The following BMPR1B variants were observed in gnomAD, a reference collection of about 807,000 sequenced individuals.
BMPR1B encodes the protein bone morphogenetic protein receptor type-1B.
A neutral mutation model predicts 59.1 loss-of-function variants in BMPR1B; 12 were observed. That is an observed-to-expected ratio of 0.20 (90% CI 0.13 to 0.33). The LOEUF (loss-of-function observed/expected upper bound fraction) is 0.33. BMPR1B is among the 10% of genes least tolerant of loss of function. The pLI is 1.00. For synonymous variants in BMPR1B, 237 were observed against 207.3 expected, an observed-to-expected ratio of 1.14 and a Z score of -1.23; for missense variants, 550 against 610.9, an observed-to-expected ratio of 0.90 and a Z score of 1.05.
intron 2 of BMPR1B, among the ~76,000 whole-genome samples, chr4:94,960,649 A>G (rs1400136541): frequency 2.0e-5 from 3 of 152,104 alleles, no homozygotes; most frequent in African/African-American, 7.2e-5. Flanking sequence ...CAGAAGGAAA[A>G]CAGTTTATTG....
At chr4:94,995,495 A>T (rs1722001767) in intron 2 of BMPR1B, among the ~76,000 whole-genome samples, 1 of 152,176 alleles carries the variant, frequency 6.6e-6, no homozygotes, top group Non-Finnish European at 1.5e-5. Context: ...ATAATGTGTC[A>T]TAATTAAGTT....
intron 6 of BMPR1B, among the ~76,000 whole-genome samples, chr4:95,118,455 A>T (rs1251109696): frequency 1.3e-5 from 2 of 152,172 alleles, no homozygotes; most frequent in Admixed American, 1.3e-4. Context: ...TTATAAAAAC[A>T]GTCCTGGCAT....
At chr4:94,894,129 C>T (rs1159946117) in intron 2 of BMPR1B, among the ~76,000 whole-genome samples, 1 of 152,038 alleles carries the variant, frequency 6.6e-6, no homozygotes, top group Non-Finnish European at 1.5e-5. Flanking sequence ...AAATGAAATA[C>T]TGTAAAAGCA....
intron 3 of BMPR1B, among the ~76,000 whole-genome samples, chr4:95,014,288 T>C (rs755827731): frequency 3.5e-4 from 54 of 152,298 alleles, no homozygotes; most frequent in Admixed American, 1.5e-3. Context: ...TATCTCAGCA[T>C]CCAAACTCAG....
At chr4:94,888,496 T>G (rs562850318) in intron 2 of BMPR1B, among the ~76,000 whole-genome samples, 1 of 152,084 alleles carries the variant, frequency 6.6e-6, no homozygotes, top group Admixed American at 6.6e-5. Flanking sequence ...ATAATAATGA[T>G]ACAAAGCACT....
At chr4:95,121,721 TAAGGGTG>T (rs140687015) in intron 6 of BMPR1B, among the ~76,000 whole-genome samples, 15,690 of 152,094 alleles carry the variant, frequency 0.1, 1,972 homozygotes, top group African/African-American at 0.3. Context: ...TTTTTTTCTG[TAAGGGTG>T]AAATTATTTC....
At chr4:94,890,192 C>T (rs1358298613) in intron 2 of BMPR1B, among the ~76,000 whole-genome samples, 1 of 152,030 alleles carries the variant, frequency 6.6e-6, no homozygotes, top group Non-Finnish European at 1.5e-5. Flanking sequence ...AAGAAGCCTG[C>T]TAGAGGCTTG....
At chr4:94,816,742 A>G (rs1027914348) in intron 1 of BMPR1B, among the ~76,000 whole-genome samples, 6 of 152,232 alleles carry the variant, frequency 3.9e-5, no homozygotes, top group East Asian at 1.9e-4. Context: ...CTACAGTAAC[A>G]TAACTTAGAA....
At chr4:95,133,263 C>A (rs1000545518) in intron 10 of BMPR1B, among the ~76,000 whole-genome samples, 4 of 152,138 alleles carry the variant, frequency 2.6e-5, no homozygotes, top group African/African-American at 9.7e-5. Context: ...TACATGCTGC[C>A]ACTGAATTTA....
In BMPR1B at chr4:94,841,714, G is replaced by A. The variant is rs950983170; in HGVS notation, c.-182-34117G>A. On this transcript the variant is annotated intron_variant, in intron 1 of 12. Transcript: ENST00000515059. ...TCAGATGGAAATGCAGAAATCACCC[G>A]TCTTCTGCGTTGCTCACGCTGGGAG... Among the ~76,000 whole-genome samples the A allele has an allele frequency of 5.3e-5, 8 of 152,106 alleles. 1 individual carries two copies. In the South Asian group the frequency reaches 6.2e-4, roughly 12 times the overall value.
intron 3 of BMPR1B, among the ~76,000 whole-genome samples, chr4:95,085,669 G>T (rs1475893532): frequency 1.3e-5 from 2 of 152,286 alleles, no homozygotes; most frequent in Admixed American, 1.3e-4. Flanking sequence ...AACTTGATAT[G>T]TGTAAATAGA....
At chr4:95,007,079 C>G (rs1410525014) in intron 3 of BMPR1B, among the ~76,000 whole-genome samples, 1 of 152,046 alleles carries the variant, frequency 6.6e-6, no homozygotes, top group African/African-American at 2.4e-5. Context: ...ATATTATTCT[C>G]ATGTTATTTT....
rs963141082 is a variant in BMPR1B, at chr4:94,996,082, T to C, written c.-70T>C. On this transcript the variant is annotated 5_prime_UTR_variant, in exon 3 of 13. An upstream start codon of the reference 5' UTR is lost. Transcript: ENST00000515059. Reference sequence around the variant, plus strand: ...TTCATAACCATTTGGCTCTGAGCTATGACAAGAGAGGAAACAAAAAGTTAA... The same window carrying C: ...TTCATAACCATTTGGCTCTGAGCTACGACAAGAGAGGAAACAAAAAGTTAA... 1 of 152,174 alleles carries C rather than the reference T, an allele frequency of 6.6e-6. No homozygotes were observed. The highest frequency in any genetic ancestry group is 1.5e-5 in the Non-Finnish European group (1 of 68,046). 9.4% of individuals were successfully genotyped at this position (152,174 alleles called of 1,614,324 possible).
rs748806114 is a variant in BMPR1B, at chr4:95,154,635, C to G, written c.1471C>G (p.Leu491Val). Residue 491 changes from leucine (L) to valine (V), a missense_variant, in exon 13 of 13, where the codon CTT becomes GTT. Leu to Val is a conservative substitution (Grantham distance 32). This residue lies in a region of BMPR1B where 123 missense variants were observed against 164.6 expected (regional missense o/e 0.75). Transcript: ENST00000515059. ...GACAGCCCTGCGGGTTAAGAAAACA[C>G]TTGCCAAAATGTCAGAGTCCCAGGA... is the stretch of plus-strand genomic sequence containing the variant. Reference protein sequence around the residue: ...RLTALRVKKTLAKMSESQDIK... With the variant: ...RLTALRVKKTVAKMSESQDIK... 4 of 1,614,092 alleles carry G rather than the reference C, an allele frequency of 2.5e-6. No homozygotes were observed. The highest frequency in any genetic ancestry group is 3.4e-6 in the Non-Finnish European group (4 of 1,179,986).
intron 1 of BMPR1B, among the ~76,000 whole-genome samples, chr4:94,768,374 AC>A (rs1722046916): frequency 1.3e-5 from 2 of 152,052 alleles, no homozygotes; most frequent in African/African-American, 4.8e-5. Context: ...AACAACAACA[AC>A]AACAAAAAAC....
At chr4:94,987,256 ATATATAT>A (rs1005855589) in intron 2 of BMPR1B, among the ~76,000 whole-genome samples, 19 of 146,048 alleles carry the variant, frequency 1.3e-4, no homozygotes, top group African/African-American at 3.5e-4. Flanking sequence ...ATAATATAAA[ATATATAT>A]TATATATACA....
Position 94,909,326 on chromosome 4 carries a change from A to G in BMPR1B, c.-113+33426A>G, listed in dbSNP as rs887241641. On this transcript the variant is annotated intron_variant, in intron 2 of 12. Coordinates refer to ENST00000515059, the MANE Select transcript of BMPR1B (RefSeq NM_001203.3). ...TACTATATACTCACTAGGTTAATCT[A>G]TGCTAAATACCCAACAGGAAGGCAG... is the stretch of plus-strand genomic sequence containing the variant. 3.9e-5 allele frequency among the ~76,000 whole-genome samples: 6 copies of G among 152,034 alleles called. No homozygotes were observed. In the East Asian group the frequency reaches 7.7e-4, roughly 20 times the overall value.
intron 1 of BMPR1B, among the ~76,000 whole-genome samples, chr4:94,780,763 A>G (rs1004384476): frequency 7.4e-6 from 1 of 134,872 alleles, no homozygotes; most frequent in East Asian, 2.2e-4. Flanking sequence ...ATCTCAGCTC[A>G]CTGCAAGCTC....
At chr4:95,109,358 G>T (rs1286284637) in intron 4 of BMPR1B, among the ~76,000 whole-genome samples, 2 of 152,100 alleles carry the variant, frequency 1.3e-5, no homozygotes, top group African/African-American at 4.8e-5. Context: ...GTATCCTGAA[G>T]AGTCACAGGT....
Sources: gnomAD v4.1 joint callset for allele counts (sites outside exome capture counted in the v4.1 genomes callset) on GRCh38, gnomAD v4.1.1 for gene constraint, gnomAD v4.1.1 regional missense constraint, MANE v1.5 for transcripts, NCBI Gene and HGNC (gene_info 2026-07-23, HGNC 2026-07-21) for gene names.